The following ZNF804B variants were observed in gnomAD, a reference collection of about 807,000 sequenced individuals.
ZNF804B encodes the protein zinc finger 804B.
In ZNF804B, 80 loss-of-function variants were observed where a neutral mutation model predicts 101.4. The ratio of observed to expected loss-of-function variants is 0.79; its 90% confidence interval spans 0.66 to 0.95. ZNF804B has a LOEUF of 0.95. Among genes scored for constraint, ZNF804B ranks in the 40% least tolerant of loss-of-function variants. The pLI is 0.00. For missense variants in ZNF804B, 1,673 were observed against 1,561.9 expected (o/e 1.07, Z -1.20); for synonymous variants, 622 against 558.8 (o/e 1.11, Z -1.59).
intron 1 of ZNF804B, among the ~76,000 whole-genome samples, chr7:89,077,642 G>A (rs1297917006): frequency 6.6e-6 from 1 of 152,054 alleles, no homozygotes; most frequent in Non-Finnish European, 1.5e-5. Flanking sequence ...TTGAAAATAT[G>A]ATTTCAAAAT....
intron 1 of ZNF804B, among the ~76,000 whole-genome samples, chr7:88,871,398 GT>G: frequency 6.6e-6 from 1 of 151,040 alleles, no homozygotes; most frequent in African/African-American, 2.4e-5. Context: ...ATTTACCCCA[GT>G]AAAAAAAAAG....
chr7:89,028,400 TTGC>T (rs1255704314), intron 1 of ZNF804B, among the ~76,000 whole-genome samples: 5 of 152,130 alleles, frequency 3.3e-5, no homozygotes, highest in African/African-American at 1.2e-4. Context: ...GTAAACAAGA[TTGC>T]TGAGCAGCTT....
At chr7:88,883,138 C>A (rs1011482035) in intron 1 of ZNF804B, among the ~76,000 whole-genome samples, 1 of 152,120 alleles carries the variant, frequency 6.6e-6, no homozygotes, top group African/African-American at 2.4e-5. Flanking sequence ...ACAAAAGAAG[C>A]ATTTGCCAGC....
intron 1 of ZNF804B, among the ~76,000 whole-genome samples, chr7:88,875,842 G>A (rs991609924): frequency 6.6e-6 from 1 of 152,156 alleles, no homozygotes; most frequent in Non-Finnish European, 1.5e-5. Context: ...CTAAAGCTGG[G>A]CAGAGACACA....
intron 1 of ZNF804B, among the ~76,000 whole-genome samples, chr7:88,989,115 C>T (rs1396015892): frequency 3.3e-5 from 5 of 151,828 alleles, no homozygotes; most frequent in Admixed American, 2.6e-4. Flanking sequence ...CTCTGCCTCC[C>T]GGGTTCAAGG....
At chr7:89,061,272 A>C (rs911479460) in intron 1 of ZNF804B, among the ~76,000 whole-genome samples, 7 of 151,996 alleles carry the variant, frequency 4.6e-5, no homozygotes, top group Non-Finnish European at 4.4e-5. Context: ...CTTTCAAATA[A>C]TTTTTTAAAA....
chr7:88,892,359 A>T (rs1792226406), intron 1 of ZNF804B, among the ~76,000 whole-genome samples: 1 of 152,210 alleles, frequency 6.6e-6, no homozygotes, highest in African/African-American at 2.4e-5. Context: ...CTATCTGTAG[A>T]TATCTTAATT....
At chr7:89,290,750 T>G (rs1489336289) in intron 2 of ZNF804B, among the ~76,000 whole-genome samples, 1 of 152,128 alleles carries the variant, frequency 6.6e-6, no homozygotes, top group Non-Finnish European at 1.5e-5. Context: ...TTCTGACCAG[T>G]CCCTGGCTCC....
At chr7:88,918,807 T>C (rs933444206) in intron 1 of ZNF804B, among the ~76,000 whole-genome samples, 2 of 152,124 alleles carry the variant, frequency 1.3e-5, no homozygotes, top group African/African-American at 2.4e-5. Flanking sequence ...GATTCTATAA[T>C]AAAATGACTC....
intron 1 of ZNF804B, among the ~76,000 whole-genome samples, chr7:88,985,517 C>T (rs1300793856): frequency 6.6e-6 from 1 of 152,000 alleles, no homozygotes. Context: ...CTCATGATTC[C>T]CTCTCCTTTG....
intron 1 of ZNF804B, among the ~76,000 whole-genome samples, chr7:89,121,201 A>G (rs764924045): frequency 6.6e-6 from 1 of 151,924 alleles, no homozygotes; most frequent in African/African-American, 2.4e-5. Context: ...TAGATCAACT[A>G]TTTGCTTATT....
At chr7:88,860,838 G>A (rs971166585) in intron 1 of ZNF804B, among the ~76,000 whole-genome samples, 2 of 152,092 alleles carry the variant, frequency 1.3e-5, no homozygotes, top group African/African-American at 2.4e-5. Flanking sequence ...TCTGTATTTG[G>A]CATCGTCAAA....
At chr7:88,794,151 A>G in intron 1 of ZNF804B, 1 of 1,551,952 alleles carries the variant, frequency 6.4e-7, no homozygotes, top group Non-Finnish European at 8.7e-7. Context: ...AAACTCCTTA[A>G]GAGACATGGG....
chr7:89,220,044 T>TGTGTATACGTATATAC (rs1283833707), intron 2 of ZNF804B, among the ~76,000 whole-genome samples: 2 of 139,684 alleles, frequency 1.4e-5, no homozygotes, highest in African/African-American at 5.5e-5. Context: ...CACATATATG[T>TGTGTATACGTATATAC]GCATATATAC....
chr7:89,101,851 A>G (rs983897478), intron 1 of ZNF804B, among the ~76,000 whole-genome samples: 1 of 151,800 alleles, frequency 6.6e-6, no homozygotes, highest in African/African-American at 2.4e-5. Flanking sequence ...TTTAATCCTC[A>G]TCCCCCTTCC....
intron 1 of ZNF804B, among the ~76,000 whole-genome samples, chr7:88,777,120 A>G (rs958015462): frequency 1.3e-5 from 2 of 152,170 alleles, no homozygotes; most frequent in Non-Finnish European, 2.9e-5. Context: ...TTTGCTTTGC[A>G]GGCATCCATG....
chr7:88,872,962 T>C (rs1189385284), intron 1 of ZNF804B, among the ~76,000 whole-genome samples: 5 of 152,068 alleles, frequency 3.3e-5, no homozygotes, highest in African/African-American at 1.2e-4. Context: ...CAGCATGATT[T>C]ATAGTCCTTT....
At chr7:89,113,580 G>A (rs1790254372) in intron 1 of ZNF804B, among the ~76,000 whole-genome samples, 1 of 152,068 alleles carries the variant, frequency 6.6e-6, no homozygotes, top group African/African-American at 2.4e-5. Context: ...TACCATCATT[G>A]CCATCAGTCT....
intron 1 of ZNF804B, among the ~76,000 whole-genome samples, chr7:89,158,794 T>G (rs149513296): frequency 4.6e-5 from 7 of 152,288 alleles, no homozygotes; most frequent in South Asian, 2.1e-4. Context: ...AATTCCCTTT[T>G]GTGACTTGAC....
Sources: gnomAD v4.1 joint callset for allele counts (sites outside exome capture counted in the v4.1 genomes callset) on GRCh38, gnomAD v4.1.1 for gene constraint, MANE v1.5 for transcripts, NCBI Gene and HGNC (gene_info 2026-07-23, HGNC 2026-07-21) for gene names.